The following CLIC5 variants were observed in gnomAD, a reference collection of about 807,000 sequenced individuals.
CLIC5 encodes CLIC family member 5.
In CLIC5, 20 loss-of-function variants were observed where a neutral mutation model predicts 24.7. That is an observed-to-expected ratio of 0.81 (90% CI 0.57 to 1.18). The LOEUF (loss-of-function observed/expected upper bound fraction) is 1.18, where lower values mean the gene tolerates loss of function less well. Ranked by LOEUF, CLIC5 falls within the 50% of genes most tolerant of loss-of-function variation. CLIC5 has a pLI of 0.00. For missense variants in CLIC5, 341 were observed against 326.1 expected (o/e 1.05, Z -0.35); for synonymous variants, 159 against 135.6 (o/e 1.17, Z -1.20).
chr6:45,926,505 C>G (rs113654256), intron 4 of CLIC5, among the ~76,000 whole-genome samples: 27 of 151,932 alleles, frequency 1.8e-4, no homozygotes, highest in Non-Finnish European at 2.8e-4. Flanking sequence ...ATCCGCCCCC[C>G]TCGGCTTCCC....
intron 3 of CLIC5, among the ~76,000 whole-genome samples, chr6:45,945,244 A>G (rs949678): frequency 0.063 from 9,645 of 152,252 alleles, 675 homozygotes; most frequent in East Asian, 0.37. Flanking sequence ...CAATAGCCCT[A>G]TAAGATCAAC....
chr6:45,972,588 C>G (rs1765237101), intron 1 of CLIC5, among the ~76,000 whole-genome samples: 1 of 152,172 alleles, frequency 6.6e-6, no homozygotes, highest in African/African-American at 2.4e-5. Context: ...CAAAGTAGGT[C>G]CACAGACCAG....
intron 1 of CLIC5, among the ~76,000 whole-genome samples, chr6:45,988,261 G>A (rs911074695): frequency 2.0e-5 from 3 of 152,168 alleles, no homozygotes; most frequent in Non-Finnish European, 1.5e-5. Context: ...ACCTAGCAAG[G>A]CAAATTTTAT....
intron 1 of CLIC5, among the ~76,000 whole-genome samples, chr6:46,042,411 T>C (rs1218763741): frequency 2.6e-5 from 4 of 152,150 alleles, no homozygotes; most frequent in Non-Finnish European, 5.9e-5. Context: ...TTTTTCAAAA[T>C]AAATTTATTT....
At chr6:46,082,607 T>A (rs1007157843), upstream of CLIC5, among the ~76,000 whole-genome samples, 1 of 152,178 alleles carries the variant, frequency 6.6e-6, no homozygotes, top group African/African-American at 2.4e-5. Context: ...ATATTAGACC[T>A]TTTACATTGG....
At chr6:46,041,454 C>T (rs931305643) in intron 1 of CLIC5, among the ~76,000 whole-genome samples, 12 of 152,310 alleles carry the variant, frequency 7.9e-5, no homozygotes, top group African/African-American at 2.4e-4. Context: ...AGACAGGCCA[C>T]CTCCCCACTC....
chr6:45,977,530 A>G (rs755897502), intron 1 of CLIC5, among the ~76,000 whole-genome samples: 1 of 152,144 alleles, frequency 6.6e-6, no homozygotes, highest in Admixed American at 6.6e-5. Flanking sequence ...GAACCCTCCA[A>G]TGACTTTGCA....
intron 1 of CLIC5, among the ~76,000 whole-genome samples, chr6:45,979,193 C>T (rs929024973): frequency 7.9e-5 from 12 of 152,226 alleles, no homozygotes; most frequent in Non-Finnish European, 7.4e-5. Flanking sequence ...AGAATCTTCC[C>T]TTTATATCTC....
intron 2 of CLIC5, among the ~76,000 whole-genome samples, chr6:45,953,225 A>G (rs915897917): frequency 6.6e-6 from 1 of 152,178 alleles, no homozygotes; most frequent in Non-Finnish European, 1.5e-5. Flanking sequence ...TCACAGGATT[A>G]TACATTATGT....
chr6:45,998,876 G>A (rs919515168), intron 1 of CLIC5, among the ~76,000 whole-genome samples: 3 of 152,218 alleles, frequency 2.0e-5, no homozygotes, highest in Non-Finnish European at 2.9e-5. Flanking sequence ...CTAGAACACA[G>A]GTATGTCCAT....
intron 1 of CLIC5, among the ~76,000 whole-genome samples, chr6:46,051,538 G>A (rs1373966958): frequency 6.6e-6 from 1 of 151,818 alleles, no homozygotes; most frequent in African/African-American, 2.4e-5. Flanking sequence ...TTTTTTTTCT[G>A]TGTTTTTCCC....
chr6:45,917,078 G>A (rs770022253), intron 4 of CLIC5, among the ~76,000 whole-genome samples: 50 of 152,234 alleles, frequency 3.3e-4, no homozygotes, highest in African/African-American at 8.2e-4. Context: ...CCTTCCAAGC[G>A]CTTGGATCTG....
intron 1 of CLIC5, among the ~76,000 whole-genome samples, chr6:46,034,124 T>C (rs1479968150): frequency 6.6e-6 from 1 of 152,230 alleles, no homozygotes; most frequent in Non-Finnish European, 1.5e-5. Context: ...AAATTTGCCG[T>C]GGGGAGACCC....
At chr6:46,064,367 AATAGT>A (rs1276309949) in intron 1 of CLIC5, among the ~76,000 whole-genome samples, 1 of 152,102 alleles carries the variant, frequency 6.6e-6, no homozygotes, top group Non-Finnish European at 1.5e-5. Context: ...TTAGGGAAGA[AATAGT>A]ATCACTTCCA....
At chr6:45,934,967 A>T (rs1296636720) in intron 4 of CLIC5, among the ~76,000 whole-genome samples, 1 of 152,256 alleles carries the variant, frequency 6.6e-6, no homozygotes, top group Non-Finnish European at 1.5e-5. Context: ...AGAACATGAA[A>T]TAAATCATGT....
rs1163413509 is a variant in CLIC5 at position 45,901,593 on chromosome 6, G to A, written c.*1495C>T. 2 of 152,164 alleles carry A rather than the reference G, an allele frequency of 1.3e-5. No homozygotes were observed. The highest frequency in any genetic ancestry group is 1.3e-4 in the Admixed American group (2 of 15,268). 9.4% of individuals were successfully genotyped at this position (152,164 alleles called of 1,614,324 possible). A position where few individuals can be genotyped will look rare whatever the true frequency, so the allele number is the denominator to read the frequency against. On this transcript the variant is annotated 3_prime_UTR_variant, in exon 6 of 6. Transcript: ENST00000339561. ...ATAGAAGGGGGATTGTTGAAGGTAAGGGCCTGTGGCAAATGGATTTTCTCA... is the reference window on the plus strand; with the variant it reads ...ATAGAAGGGGGATTGTTGAAGGTAAAGGCCTGTGGCAAATGGATTTTCTCA...
chr6:46,125,311 C>T, the CLIC5 span, among the ~76,000 whole-genome samples: 38 of 151,950 alleles, frequency 2.5e-4, no homozygotes, highest in African/African-American at 8.9e-4. Context: ...TCATTCTCAG[C>T]AAACTATCGC....
chr6:46,101,776 C>T, the CLIC5 span, among the ~76,000 whole-genome samples: 3 of 152,178 alleles, frequency 2.0e-5, no homozygotes, highest in African/African-American at 7.2e-5. Flanking sequence ...CCAACAACCT[C>T]ATATGAAGTT....
chr6:45,881,092 A>G, exon 7 of CLIC5: 1 of 398,492 alleles, frequency 2.5e-6, no homozygotes, highest in Admixed American at 4.4e-5. Flanking sequence ...TTCAGTAGAA[A>G]GAATCCCATT....
Sources: allele counts gnomAD v4.1 joint callset (sites outside exome capture counted in the v4.1 genomes callset), GRCh38; gene constraint gnomAD v4.1.1; transcripts MANE v1.5; gene names NCBI Gene and HGNC (gene_info 2026-07-23, HGNC 2026-07-21).